Variants in NKAIN3 observed in about 807,000 individuals in gnomAD.
NKAIN3 encodes the protein sodium/potassium-transporting ATPase subunit beta-1-interacting protein 3.
A neutral mutation model predicts 30.2 loss-of-function variants in NKAIN3; 25 were observed. The ratio of observed to expected loss-of-function variants is 0.83; its 90% confidence interval spans 0.60 to 1.16. The LOEUF (loss-of-function observed/expected upper bound fraction) is 1.16. Among genes scored for constraint, NKAIN3 ranks in the 50% most tolerant of loss-of-function variants. The pLI is 0.00. For synonymous variants in NKAIN3, 91 were observed against 89.6 expected (o/e 1.02, Z -0.09); for missense variants, 225 against 254.1 (o/e 0.89, Z 0.78).
chr8:62,400,429 C>A (rs1319385500), intron 1 of NKAIN3, among the ~76,000 whole-genome samples: 2 of 152,068 alleles, frequency 1.3e-5, no homozygotes, highest in Non-Finnish European at 2.9e-5. Context: ...GCCTCGGCCT[C>A]CCAGATTTCT....
chr8:62,384,934 T>A (rs971645762), intron 1 of NKAIN3, among the ~76,000 whole-genome samples: 1 of 152,146 alleles, frequency 6.6e-6, no homozygotes, highest in African/African-American at 2.4e-5. Flanking sequence ...TTATTAGATA[T>A]TATCATTGTA....
chr8:62,328,302 A>G (rs1448776095), intron 1 of NKAIN3, among the ~76,000 whole-genome samples: 1 of 152,144 alleles, frequency 6.6e-6, no homozygotes, highest in Non-Finnish European at 1.5e-5. Context: ...ATATAGTTCA[A>G]TATACATTAA....
chr8:62,808,310 C>T (rs1255358904), intron 4 of NKAIN3, among the ~76,000 whole-genome samples: 3 of 152,018 alleles, frequency 2.0e-5, no homozygotes, highest in African/African-American at 7.2e-5. Context: ...TTTGTTACTC[C>T]GAATGTCTTT....
chr8:62,611,216 G>T (rs1225960401), intron 3 of NKAIN3, among the ~76,000 whole-genome samples: 2 of 151,768 alleles, frequency 1.3e-5, no homozygotes, highest in African/African-American at 2.4e-5. Flanking sequence ...TATTTATGGG[G>T]CACATTAGAT....
chr8:62,596,883 T>G (rs1285884583), intron 3 of NKAIN3, among the ~76,000 whole-genome samples: 1 of 152,098 alleles, frequency 6.6e-6, no homozygotes, highest in Non-Finnish European at 1.5e-5. Context: ...GGTTAAGAGT[T>G]GCACAAGTGC....
At chr8:62,384,206 C>G (rs1212595086) in intron 1 of NKAIN3, among the ~76,000 whole-genome samples, 1 of 152,098 alleles carries the variant, frequency 6.6e-6, no homozygotes, top group Non-Finnish European at 1.5e-5. Context: ...CATCACATGG[C>G]ATTTTAAGCA....
intron 1 of NKAIN3, among the ~76,000 whole-genome samples, chr8:62,389,993 C>T (rs1817543574): frequency 6.6e-6 from 1 of 152,074 alleles, no homozygotes; most frequent in Admixed American, 6.5e-5. Flanking sequence ...AACAAGTCAC[C>T]TGTGTAGATA....
At chr8:62,717,346 G>A (rs1814939692) in intron 3 of NKAIN3, among the ~76,000 whole-genome samples, 1 of 152,112 alleles carries the variant, frequency 6.6e-6, no homozygotes, top group South Asian at 2.1e-4. Flanking sequence ...CTCAAATTTG[G>A]AAGGTGACTT....
chr8:62,864,614 C>T (rs1473327651), intron 4 of NKAIN3, among the ~76,000 whole-genome samples: 1 of 152,160 alleles, frequency 6.6e-6, no homozygotes, highest in Admixed American at 6.5e-5. Context: ...TTTTCCACCT[C>T]GTTGTTTTCT....
At chr8:62,812,419 G>A (rs1053206755) in intron 4 of NKAIN3, among the ~76,000 whole-genome samples, 3 of 151,794 alleles carry the variant, frequency 2.0e-5, no homozygotes, top group Non-Finnish European at 4.4e-5. Flanking sequence ...CAGTTTGGGG[G>A]AAAATGATAT....
intron 1 of NKAIN3, among the ~76,000 whole-genome samples, chr8:62,561,843 G>C (rs1296274856): frequency 6.6e-6 from 1 of 152,070 alleles, no homozygotes; most frequent in Non-Finnish European, 1.5e-5. Context: ...TTGAAACATA[G>C]GTCATAGCAT....
chr8:62,331,301 G>T (rs566393207), intron 1 of NKAIN3, among the ~76,000 whole-genome samples: 1 of 151,826 alleles, frequency 6.6e-6, no homozygotes, highest in East Asian at 2.0e-4. Context: ...ACTCATACAT[G>T]TTAAGACCCA....
chr8:62,479,427 A>C (rs1806633752), intron 1 of NKAIN3, among the ~76,000 whole-genome samples: 1 of 152,104 alleles, frequency 6.6e-6, no homozygotes, highest in African/African-American at 2.4e-5. Flanking sequence ...CTACATGGTG[A>C]AGCCTGAATT....
chr8:62,377,136 G>T, intron 1 of NKAIN3, among the ~76,000 whole-genome samples: 1 of 151,828 alleles, frequency 6.6e-6, no homozygotes, highest in Non-Finnish European at 1.5e-5. Flanking sequence ...TGCCTAATTC[G>T]CATTTAATTA....
chr8:62,562,680 T>C (rs1809625285), intron 1 of NKAIN3, among the ~76,000 whole-genome samples: 1 of 152,170 alleles, frequency 6.6e-6, no homozygotes, highest in Non-Finnish European at 1.5e-5. Context: ...AAGCGTTTCT[T>C]GTACATGTTG....
chr8:62,567,828 TA>T (rs1809806194), intron 1 of NKAIN3, among the ~76,000 whole-genome samples: 1 of 152,086 alleles, frequency 6.6e-6, no homozygotes, highest in African/African-American at 2.4e-5. Flanking sequence ...TAAAGTAATA[TA>T]ATATTATAAA....
intron 1 of NKAIN3, among the ~76,000 whole-genome samples, chr8:62,352,934 G>C (rs1377010593): frequency 6.6e-6 from 1 of 152,108 alleles, no homozygotes; most frequent in Non-Finnish European, 1.5e-5. Context: ...AGGACATTCA[G>C]GCAGACTGAT....
rs918736651 is a variant in NKAIN3 at position 62,294,297 on chromosome 8, C to T, written c.54+45170C>T. ...TGCAGAAATCACCCGTCTTCTGCAT[C>T]ACTTACGCTGGGAGCTGCAGACTGG... On this transcript the variant is annotated intron_variant, in intron 1 of 6. Coordinates refer to ENST00000623646, the MANE Select transcript of NKAIN3 (RefSeq NM_001304533.3). 3.9e-5 allele frequency among the ~76,000 whole-genome samples: 6 copies of T among 152,108 alleles called. No individual in the cohort carries two copies. In the South Asian group the frequency reaches 8.3e-4, roughly 21 times the overall value.
chr8:62,500,485 G>A (rs376317416), intron 1 of NKAIN3, among the ~76,000 whole-genome samples: 4 of 130,856 alleles, frequency 3.1e-5, no homozygotes, highest in African/African-American at 1.1e-4. Flanking sequence ...AAGAAAGAAA[G>A]AAGAAAAGAA....
Sources: gnomAD v4.1 joint callset for allele counts (sites outside exome capture counted in the v4.1 genomes callset) on GRCh38, gnomAD v4.1.1 for gene constraint, MANE v1.5 for transcripts, NCBI Gene and HGNC (gene_info 2026-07-23, HGNC 2026-07-21) for gene names.